Variants in ZDHHC11 observed in about 807,000 individuals in gnomAD.
ZDHHC11 encodes the protein palmitoyltransferase ZDHHC11.
In ZDHHC11, 44 loss-of-function variants were observed where a neutral mutation model predicts 51.3. That is an observed-to-expected ratio of 0.86 (90% CI 0.67 to 1.10). ZDHHC11 has a LOEUF of 1.10. Ranked by LOEUF, ZDHHC11 falls within the 50% of genes least tolerant of loss-of-function variation. ZDHHC11 has a pLI of 0.00. For synonymous variants in ZDHHC11, 163 were observed against 222.0 expected (o/e 0.73, Z 2.36); for missense variants, 400 against 537.7 (o/e 0.74, Z 2.53).
chr5:799,001 T>G (rs1738018375), intron 12 of ZDHHC11, among the ~76,000 whole-genome samples: 1 of 151,854 alleles, frequency 6.6e-6, no homozygotes, highest in South Asian at 2.1e-4. Context: ...CCATCTTGTT[T>G]CAGTCACTAA....
upstream of ZDHHC11, among the ~76,000 whole-genome samples, chr5:852,316 T>C (rs1203299320): frequency 1.3e-5 from 2 of 152,194 alleles, no homozygotes; most frequent in Admixed American, 6.5e-5. Context: ...GACAACACGT[T>C]CATCTGTCAG....
intron 10 of ZDHHC11, among the ~76,000 whole-genome samples, chr5:817,512 A>C (rs770443994): frequency 2.6e-5 from 4 of 151,402 alleles, no homozygotes; most frequent in Non-Finnish European, 5.9e-5. Context: ...ATAGCTTTTT[A>C]ATTTGTTTGA....
chr5:845,844 C>T (rs1746069410), intron 3 of ZDHHC11, among the ~76,000 whole-genome samples: 1 of 149,556 alleles, frequency 6.7e-6, no homozygotes, highest in Non-Finnish European at 1.5e-5. Flanking sequence ...CTCCTGATGC[C>T]CCTTTCCCAC....
chr5:850,251 G>C, intron 1 of ZDHHC11, 130 bp downstream of exon 1: 2 of 1,066,504 alleles, frequency 1.9e-6, no homozygotes. Context: ...CAGGCTCAGG[G>C]GACATAGTCT....
intron 10 of ZDHHC11, chr5:816,263 T>A (rs1740769839): frequency 4.1e-6 from 1 of 245,094 alleles, no homozygotes; most frequent in Non-Finnish European, 8.2e-6. Context: ...TCGGAAATAA[T>A]GTTTTTGGGA....
At chr5:803,337 G>C (rs1738765352) in intron 11 of ZDHHC11, among the ~76,000 whole-genome samples, 2 of 151,394 alleles carry the variant, frequency 1.3e-5, no homozygotes, top group Non-Finnish European at 3.0e-5. Context: ...TTCCCCCCTT[G>C]TTTGTAGCTT....
rs1212986916 is a variant in ZDHHC11 at position 815,576 on chromosome 5, AT to A, written c.1147-782del. 2.1e-4 allele frequency among the ~76,000 whole-genome samples: 31 copies of A among 148,022 alleles called. 1 individual carries two copies. Among genetic ancestry groups the A allele is most frequent in the African/African-American group, 7.2e-4 (29 of 40,420 alleles). On this transcript the variant is annotated intron_variant, in intron 10 of 12. Transcript: ENST00000283441. ...TATTGTTCATCTTCTTTTTAATTATATTTTTTAGAGACAGAGTCTTGCTTTC... is the reference window on the plus strand; with the variant it reads ...TATTGTTCATCTTCTTTTTAATTATATTTTTAGAGACAGAGTCTTGCTTTC...
Position 801,994 on chromosome 5 carries a change from A to G in ZDHHC11, c.1182-830T>C, listed in dbSNP as rs1306156308. Reference sequence around the variant, plus strand: ...AGAGGGAAACCTTTCTTGGATCAGAAATGATGACTCCTAGAAGGAAAGGAT... The same window carrying G: ...AGAGGGAAACCTTTCTTGGATCAGAGATGATGACTCCTAGAAGGAAAGGAT... On this transcript the variant is annotated intron_variant, in intron 11 of 12. Transcript: ENST00000283441. 2.6e-5 allele frequency among the ~76,000 whole-genome samples: 4 copies of G among 151,464 alleles called. 1 individual carries two copies. Among genetic ancestry groups the G allele is most frequent in the South Asian group, 4.2e-4 (2 of 4,806 alleles).
intron 9 of ZDHHC11, 70 bp downstream of exon 9, chr5:821,791 T>A (rs1348097683): frequency 7.0e-7 from 1 of 1,422,242 alleles, no homozygotes; most frequent in Non-Finnish European, 9.7e-7. Context: ...TCCTAAGTAA[T>A]TCGAGATGAG....
At chr5:797,618 T>C (rs1373043946) in intron 12 of ZDHHC11, among the ~76,000 whole-genome samples, 1 of 151,486 alleles carries the variant, frequency 6.6e-6, no homozygotes, top group Non-Finnish European at 1.5e-5. Flanking sequence ...TAAGTTTTAT[T>C]TGGTGTTTTT....
intron 7 of ZDHHC11, among the ~76,000 whole-genome samples, chr5:829,457 T>A (rs141436965): frequency 6.6e-6 from 1 of 151,762 alleles, no homozygotes; most frequent in African/African-American, 2.4e-5. Flanking sequence ...CAGGAAGAAA[T>A]AGAAACTCTT....
intron 8 of ZDHHC11, among the ~76,000 whole-genome samples, chr5:824,717 A>G (rs188232056): frequency 6.6e-6 from 1 of 151,218 alleles, no homozygotes; most frequent in Admixed American, 6.6e-5. Flanking sequence ...CCACACATAC[A>G]TCGTCTATTC....
Position 840,653 on chromosome 5 carries a change from G to A in ZDHHC11, c.629-3C>T. Reference sequence around the variant, plus strand: ...CCACGTGTTCATATTCTTGACATCTGGGGAGACAAGGGAGAGCCACTGTGT... The same window carrying A: ...CCACGTGTTCATATTCTTGACATCTAGGGAGACAAGGGAGAGCCACTGTGT... On this transcript the variant is annotated splice_polypyrimidine_tract_variant and splice_region_variant and intron_variant, in intron 4 of 12. Transcript: ENST00000283441. 1 of 1,613,680 alleles carries A rather than the reference G, an allele frequency of 6.2e-7. No homozygotes were observed. The highest frequency in any genetic ancestry group is 8.5e-7 in the Non-Finnish European group (1 of 1,179,854).
upstream of ZDHHC11, among the ~76,000 whole-genome samples, chr5:851,245 C>T (rs149112951): frequency 1.2e-3 from 176 of 152,232 alleles, no homozygotes; most frequent in East Asian, 8.5e-3. Flanking sequence ...CAGGGAAGCC[C>T]GTCCAGCCAC....
intron 1 of ZDHHC11, among the ~76,000 whole-genome samples, chr5:856,383 A>G (rs568916345): frequency 2.6e-5 from 4 of 151,462 alleles, no homozygotes; most frequent in Admixed American, 1.3e-4. Flanking sequence ...ACCACCCACA[A>G]CACATACCAC....
At chr5:825,765 A>G (rs1253486885) in intron 7 of ZDHHC11, among the ~76,000 whole-genome samples, 17 of 152,258 alleles carry the variant, frequency 1.1e-4, no homozygotes, top group Admixed American at 1.1e-3. Flanking sequence ...CAAAAGTGCC[A>G]CCTCCTGGCT....
intron 8 of ZDHHC11, among the ~76,000 whole-genome samples, chr5:822,447 C>CT (rs1741692198): frequency 6.6e-6 from 1 of 151,560 alleles, no homozygotes; most frequent in Admixed American, 6.6e-5. Context: ...TGTGGAAGCT[C>CT]TAGCAAAGAA....
At chr5:845,437 CG>C (rs1745983982) in intron 3 of ZDHHC11, among the ~76,000 whole-genome samples, 1 of 146,560 alleles carries the variant, frequency 6.8e-6, no homozygotes, top group Non-Finnish European at 1.5e-5. Flanking sequence ...CTCCTCTCCC[CG>C]CAGCCACCCA....
At chr5:813,413 ATCTGTG>A (rs1740348596) in intron 11 of ZDHHC11, among the ~76,000 whole-genome samples, 1 of 142,574 alleles carries the variant, frequency 7.0e-6, no homozygotes, top group South Asian at 2.2e-4. Flanking sequence ...GGGTGCACTC[ATCTGTG>A]AGGGGGAGAC....
Sources: allele counts gnomAD v4.1 joint callset (sites outside exome capture counted in the v4.1 genomes callset), GRCh38; gene constraint gnomAD v4.1.1; transcripts MANE v1.5; gene names NCBI Gene and HGNC (gene_info 2026-07-23, HGNC 2026-07-21).